Variants in GPC5 observed in about 807,000 individuals in gnomAD.
The protein encoded by GPC5 is glypican-5.
In GPC5, 47 loss-of-function variants were observed where a neutral mutation model predicts 53.9. The observed-to-expected ratio is 0.87, with a 90% CI of 0.69 to 1.11. The LOEUF (loss-of-function observed/expected upper bound fraction) is 1.11, where lower values mean the gene tolerates loss of function less well. Ranked by LOEUF, GPC5 falls within the 50% of genes most tolerant of loss-of-function variation. GPC5 has a pLI of 0.00. For synonymous variants in GPC5, 286 were observed against 263.3 expected, an observed-to-expected ratio of 1.09 and a Z score of -0.84; for missense variants, 748 against 713.1, an observed-to-expected ratio of 1.05 and a Z score of -0.56.
intron 6 of GPC5, among the ~76,000 whole-genome samples, chr13:91,964,277 G>A (rs528562031): frequency 2.6e-4 from 39 of 152,310 alleles, no homozygotes; most frequent in Middle Eastern, 6.8e-3. Flanking sequence ...AGCCTCCAAA[G>A]GGTGGAAAGA....
chr13:91,543,363 T>C (rs1370637495), intron 2 of GPC5, among the ~76,000 whole-genome samples: 1 of 152,200 alleles, frequency 6.6e-6, no homozygotes, highest in Admixed American at 6.5e-5. Flanking sequence ...TTCACATCTT[T>C]AAAAAGATAA....
At chr13:91,670,932 G>A (rs1291406549) in intron 2 of GPC5, among the ~76,000 whole-genome samples, 2 of 152,124 alleles carry the variant, frequency 1.3e-5, no homozygotes, top group African/African-American at 2.4e-5. Flanking sequence ...ATAGCAAAAG[G>A]ATGCAGAAAG....
chr13:91,492,757 G>A (rs1372755264), intron 2 of GPC5, among the ~76,000 whole-genome samples: 2 of 152,136 alleles, frequency 1.3e-5, no homozygotes, highest in Non-Finnish European at 2.9e-5. Context: ...TAACCATCAC[G>A]ATCATCCTTC....
At chr13:91,653,948 G>C (rs183327097) in intron 2 of GPC5, among the ~76,000 whole-genome samples, 24 of 151,938 alleles carry the variant, frequency 1.6e-4, no homozygotes, top group African/African-American at 5.8e-4. Context: ...CAATTTTCTC[G>C]TGTCCCTTTG....
At chr13:92,222,824 A>T (rs2042459097) in intron 7 of GPC5, among the ~76,000 whole-genome samples, 3 of 152,206 alleles carry the variant, frequency 2.0e-5, no homozygotes, top group Admixed American at 2.0e-4. Context: ...CATTTCTCAA[A>T]TATAACATTT....
At chr13:91,448,179 G>T (rs372148860) in intron 1 of GPC5, among the ~76,000 whole-genome samples, 1 of 152,156 alleles carries the variant, frequency 6.6e-6, no homozygotes, top group Non-Finnish European at 1.5e-5. Flanking sequence ...ATTGTCTCTC[G>T]CCAGCTATAT....
At chr13:92,655,321 A>T (rs929066056) in intron 7 of GPC5, among the ~76,000 whole-genome samples, 144 of 136,078 alleles carry the variant, frequency 1.1e-3, no homozygotes, top group Non-Finnish European at 1.2e-3. Context: ...TTATTTATTT[A>T]TTTATTTATT....
chr13:92,061,372 C>T (rs952664531), intron 6 of GPC5, among the ~76,000 whole-genome samples: 1 of 151,890 alleles, frequency 6.6e-6, no homozygotes, highest in Non-Finnish European at 1.5e-5. Context: ...TGGTTTACAA[C>T]AAAACTAGAA....
chr13:91,792,908 T>A (rs1365275977), intron 5 of GPC5, among the ~76,000 whole-genome samples: 1 of 152,188 alleles, frequency 6.6e-6, no homozygotes. Context: ...CTAAGGACTG[T>A]AATGTGGACA....
At chr13:92,344,008 C>G (rs1272628042) in intron 7 of GPC5, among the ~76,000 whole-genome samples, 1 of 151,976 alleles carries the variant, frequency 6.6e-6, no homozygotes, top group Non-Finnish European at 1.5e-5. Flanking sequence ...TTGTTGTTTT[C>G]CTGCCCAGCC....
rs201565650 is a variant in GPC5 at position 92,663,856 on chromosome 13, CTATATATATATATATATATATATATATA to C, written c.1562-202405_1562-202378del. Reference sequence around the variant, plus strand: ...CACTATATATATATACACACACACACTATATATATATATATATATATATATATATATATATATATATATATATACACAC... The same window carrying C: ...CACTATATATATATACACACACACACTATATATATATATATATATACACAC... On this transcript the variant is annotated intron_variant, in intron 7 of 7. Coordinates refer to ENST00000377067, the MANE Select transcript of GPC5 (RefSeq NM_004466.6). Among the ~76,000 whole-genome samples the C allele has an allele frequency of 8.4e-4, 74 of 88,378 alleles. 1 individual carries two copies. Among genetic ancestry groups the C allele is most frequent in the East Asian group, 2.8e-3 (9 of 3,186 alleles). 58.0% of individuals were successfully genotyped at this position (88,378 alleles called of 152,430 possible). A position where few individuals can be genotyped will look rare whatever the true frequency, so the allele number is the denominator to read the frequency against.
Position 91,571,821 on chromosome 13 carries a change from GTATATATACACATATACT to G in GPC5, c.326-121364_326-121347del, listed in dbSNP as rs1566515493. ...TATATATACACACACATACGTGTGT[GTATATATACACATATACT>G]TGTGTGTATATACACATATACGTGT... is the stretch of plus-strand genomic sequence containing the variant. On this transcript the variant is annotated intron_variant, in intron 2 of 7. Transcript: ENST00000377067. Among the ~76,000 whole-genome samples, 123 of 94,082 alleles carry G rather than the reference GTATATATACACATATACT, an allele frequency of 1.3e-3. 3 individuals carry two copies. The South Asian group carries it at 0.013, about 10-fold the overall frequency. The allele number at this position is 94,082 out of a possible 152,430, so 61.7% of individuals were successfully genotyped here.
At chr13:92,851,883 G>A (rs1320097326) in intron 7 of GPC5, among the ~76,000 whole-genome samples, 16 of 111,194 alleles carry the variant, frequency 1.4e-4, no homozygotes, top group East Asian at 8.6e-4. Flanking sequence ...GCAAGACTCC[G>A]TCTCAAAAAA....
At chr13:91,916,746 C>T (rs2039663268) in intron 6 of GPC5, among the ~76,000 whole-genome samples, 1 of 152,148 alleles carries the variant, frequency 6.6e-6, no homozygotes, top group Non-Finnish European at 1.5e-5. Context: ...CTTCACAGAG[C>T]TGCAGGAGAG....
chr13:91,909,997 C>A (rs1319369772), intron 6 of GPC5, among the ~76,000 whole-genome samples: 1 of 152,120 alleles, frequency 6.6e-6, no homozygotes, highest in African/African-American at 2.4e-5. Flanking sequence ...GCTTAAGTTT[C>A]ATTCTGGGGT....
chr13:92,285,744 G>A (rs1411067288), intron 7 of GPC5, among the ~76,000 whole-genome samples: 1 of 152,122 alleles, frequency 6.6e-6, no homozygotes, highest in Non-Finnish European at 1.5e-5. Flanking sequence ...ATTAATTCAA[G>A]ATGGATTAAA....
At chr13:92,216,681 C>T (rs1008042367) in intron 7 of GPC5, among the ~76,000 whole-genome samples, 3 of 152,220 alleles carry the variant, frequency 2.0e-5, no homozygotes, top group Admixed American at 2.0e-4. Context: ...ACTCAGAAGT[C>T]ATCTAACTTA....
intron 6 of GPC5, among the ~76,000 whole-genome samples, chr13:92,113,000 T>C (rs890333277): frequency 3.3e-5 from 5 of 152,246 alleles, no homozygotes; most frequent in African/African-American, 1.2e-4. Context: ...CATCATTTTG[T>C]GTATTCAAAA....
rs183946530 is a variant in GPC5, at chr13:91,543,472, C to T, written c.325+94550C>T. ...GATTTATAATTGCTTTTGTTTTTTTCCCTTTTATTACCACTTGCATATTTT... is the reference window on the plus strand; with the variant it reads ...GATTTATAATTGCTTTTGTTTTTTTTCCTTTTATTACCACTTGCATATTTT... On this transcript the variant is annotated intron_variant, in intron 2 of 7. Transcript: ENST00000377067. 8.0e-4 allele frequency among the ~76,000 whole-genome samples: 121 copies of T among 151,578 alleles called. 1 individual carries two copies. The highest frequency in any genetic ancestry group is 2.9e-3 in the African/African-American group (119 of 41,354).
Sources: allele counts gnomAD v4.1 joint callset (sites outside exome capture counted in the v4.1 genomes callset), GRCh38; gene constraint gnomAD v4.1.1; transcripts MANE v1.5; gene names NCBI Gene and HGNC (gene_info 2026-07-23, HGNC 2026-07-21).